Variants in S100A10 observed in about 807,000 individuals in gnomAD.
S100A10 encodes the protein protein S100-A10.
Under a neutral mutation model 7.1 loss-of-function variants are expected in S100A10, and 3 were observed. The observed-to-expected ratio is 0.42, with a 90% confidence interval of 0.19 to 1.10. S100A10 has a LOEUF of 1.10. S100A10 is among the 50% of genes least tolerant of loss of function. S100A10 has a pLI of 0.29. For missense variants in S100A10, 101 were observed against 118.1 expected (o/e 0.86, Z 0.67); for synonymous variants, 41 against 39.3 (o/e 1.04, Z -0.16).
Position 151,984,646 on chromosome 1 carries a change from C to T in S100A10, c.133-1322G>A, listed in dbSNP as rs145815015. 3.3e-5 allele frequency among the ~76,000 whole-genome samples: 5 copies of T among 152,316 alleles called. No homozygotes were observed. In the East Asian group the frequency reaches 9.6e-4, roughly 29 times the overall value. On this transcript the variant is annotated intron_variant, in intron 2 of 2. Coordinates refer to ENST00000368811, the MANE Select transcript of S100A10 (RefSeq NM_002966.3). ...GAAAGGGTCTGTGTCTTACATGATA[C>T]TCACTCTGGCTCTTAACAACACTCT...
chr1:151,990,190 C>T (rs1188101864), intron 1 of S100A10, among the ~76,000 whole-genome samples: 1 of 152,114 alleles, frequency 6.6e-6, no homozygotes, highest in East Asian at 1.9e-4. Flanking sequence ...GGAAAGGGGC[C>T]CCAAAAGTGT....
At chr1:151,986,483 T>C (rs1011437914) in intron 1 of S100A10, among the ~76,000 whole-genome samples, 1 of 152,238 alleles carries the variant, frequency 6.6e-6, no homozygotes, top group African/African-American at 2.4e-5. Context: ...TCTTAACTAT[T>C]TGTCAAGAAT....
chr1:151,983,856 G>T (rs543683830), intron 2 of S100A10, among the ~76,000 whole-genome samples: 32 of 152,302 alleles, frequency 2.1e-4, no homozygotes, highest in African/African-American at 7.7e-4. Context: ...TATCAACGAT[G>T]AATTGAGGAG....
chr1:151,990,425 GCTGTCCACTCA>G (rs1655881325), intron 1 of S100A10, among the ~76,000 whole-genome samples: 1 of 152,192 alleles, frequency 6.6e-6, no homozygotes, highest in Non-Finnish European at 1.5e-5. Flanking sequence ...TAACAGCCTT[GCTGTCCACTCA>G]CCTTTTATTG....
intron 1 of S100A10, among the ~76,000 whole-genome samples, chr1:151,991,348 G>A (rs1472156303): frequency 6.6e-6 from 1 of 152,164 alleles, no homozygotes; most frequent in Non-Finnish European, 1.5e-5. Flanking sequence ...GGCAGCAAAG[G>A]AACGTTTCAG....
intron 1 of S100A10, among the ~76,000 whole-genome samples, chr1:151,991,351 C>T (rs1415441319): frequency 6.6e-6 from 1 of 152,180 alleles, no homozygotes; most frequent in Non-Finnish European, 1.5e-5. Context: ...AGCAAAGGAA[C>T]GTTTCAGATG....
chr1:151,988,672 C>A (rs1413281195), intron 1 of S100A10, among the ~76,000 whole-genome samples: 2 of 152,198 alleles, frequency 1.3e-5, no homozygotes, highest in Admixed American at 1.3e-4. Flanking sequence ...GCTTCAAGGT[C>A]TGCTGTGAGA....
At chr1:151,992,576 A>T (rs1026532238) in intron 1 of S100A10, 8 of 151,408 alleles carry the variant, frequency 5.3e-5, no homozygotes, top group African/African-American at 1.9e-4. Context: ...TCCTTCAGGG[A>T]GTGTTCTGTC....
intron 1 of S100A10, among the ~76,000 whole-genome samples, chr1:151,990,540 G>GT (rs1655883906): frequency 6.6e-6 from 1 of 152,168 alleles, no homozygotes; most frequent in Non-Finnish European, 1.5e-5. Context: ...TCTCTGCATA[G>GT]TTTTCTCTAT....
In S100A10 at chr1:151,986,268, A is replaced by AGT. The variant is rs765166288; in HGVS notation, c.-21-19_-21-18dup. The AGT allele has an allele frequency of 1.2e-5, 18 of 1,551,040 alleles. No individual in the cohort carries two copies. In the Admixed American group the frequency reaches 3.9e-4, roughly 34 times the overall value. On this transcript the variant is annotated splice_polypyrimidine_tract_variant and intron_variant, in intron 1 of 2. Coordinates refer to ENST00000368811, the MANE Select transcript of S100A10 (RefSeq NM_002966.3). The stretch of plus-strand genomic sequence containing the variant: ...CGTTGAAGCCTATTAAAGGATGTAA[A>AGT]GTAACAGGGTCTACATTAACTTTTT...
intron 2 of S100A10, among the ~76,000 whole-genome samples, chr1:151,983,718 A>G (rs1655741276): frequency 6.6e-6 from 1 of 152,168 alleles, no homozygotes; most frequent in Non-Finnish European, 1.5e-5. Flanking sequence ...TAATGATGCC[A>G]TGGGTTGGTT....
chr1:151,986,809 T>C (rs542834038), intron 1 of S100A10, among the ~76,000 whole-genome samples: 3 of 152,338 alleles, frequency 2.0e-5, no homozygotes, highest in South Asian at 4.1e-4. Context: ...ATTGGAAAGA[T>C]GGAGATTAGA....
chr1:151,991,800 A>T (rs796409487), intron 1 of S100A10, among the ~76,000 whole-genome samples: 2 of 152,300 alleles, frequency 1.3e-5, no homozygotes, highest in South Asian at 4.1e-4. Flanking sequence ...ACATTTTTTG[A>T]ACTGTCAGTA....
Position 151,986,252 on chromosome 1 carries a change from C to G in S100A10, c.-21-1G>C. ...GCATTTTGGTGTGGTCCGTTGAAGC[C>G]TATTAAAGGATGTAAAGTAACAGGG... is the stretch of plus-strand genomic sequence containing the variant. On this transcript the variant is annotated splice_acceptor_variant, in intron 1 of 2. Transcript: ENST00000368811. LOFTEE classifies it low-confidence loss of function (5UTR_SPLICE). 6.3e-7 allele frequency: 1 copy of G among 1,577,812 alleles called. No individual in the cohort carries two copies. Among genetic ancestry groups the G allele is most frequent in the Non-Finnish European group, 8.6e-7 (1 of 1,166,074 alleles).
intron 1 of S100A10, among the ~76,000 whole-genome samples, chr1:151,991,324 C>T (rs561412057): frequency 2.6e-5 from 4 of 152,106 alleles, no homozygotes; most frequent in Non-Finnish European, 5.9e-5. Flanking sequence ...TAAAACTTGC[C>T]CACTAAAGAA....
At chr1:151,983,390 T>C (rs1655736220) in intron 2 of S100A10, 66 bp from the exon 3 acceptor site, 1 of 1,116,456 alleles carries the variant, frequency 9.0e-7, no homozygotes, top group Non-Finnish European at 1.2e-6. Flanking sequence ...CTTATTTGAT[T>C]TGTACTGCTG....
At chr1:151,991,611 G>A (rs1416356439) in intron 1 of S100A10, among the ~76,000 whole-genome samples, 1 of 152,156 alleles carries the variant, frequency 6.6e-6, no homozygotes, top group Non-Finnish European at 1.5e-5. Flanking sequence ...AATTTGTTGA[G>A]TCCCCAGAAA....
intron 1 of S100A10, among the ~76,000 whole-genome samples, chr1:151,987,749 C>T (rs1252659636): frequency 3.3e-5 from 5 of 151,532 alleles, no homozygotes; most frequent in Non-Finnish European, 7.4e-5. Flanking sequence ...ACCGTGGTCT[C>T]GATCTCCTGA....
chr1:151,985,765 C>T (rs995612859), intron 2 of S100A10, among the ~76,000 whole-genome samples: 1 of 152,188 alleles, frequency 6.6e-6, no homozygotes, highest in East Asian at 1.9e-4. Context: ...TCACAACAGA[C>T]ACAGATAACC....
Sources: gnomAD v4.1 joint callset for allele counts (sites outside exome capture counted in the v4.1 genomes callset) on GRCh38, gnomAD v4.1.1 for gene constraint, MANE v1.5 for transcripts, NCBI Gene and HGNC (gene_info 2026-07-23, HGNC 2026-07-21) for gene names.